Variants in UGGT2 observed in about 807,000 individuals in gnomAD.
The protein encoded by UGGT2 is UDP-glucose glycoprotein glucosyltransferase 2, also known as UDP-glucose:glycoprotein glucosyltransferase 2.
In UGGT2, 180 loss-of-function variants were observed where a neutral mutation model predicts 192.1. The ratio of observed to expected loss-of-function variants is 0.94; its 90% CI spans 0.83 to 1.06. The LOEUF (loss-of-function observed/expected upper bound fraction) is 1.06. Ranked by LOEUF, UGGT2 falls within the 50% of genes least tolerant of loss-of-function variation. The pLI is 0.00. For synonymous variants in UGGT2, 580 were observed against 591.0 expected, an observed-to-expected ratio of 0.98 and a Z score of 0.27; for missense variants, 1,849 against 1,795.7, an observed-to-expected ratio of 1.03 and a Z score of -0.54.
At chr13:95,887,376 G>T in intron 26 of UGGT2, 4 of 481,026 alleles carry the variant, frequency 8.3e-6, no homozygotes, top group Non-Finnish European at 1.7e-5. Flanking sequence ...GAAGAGAAAG[G>T]GTATATTTTT....
chr13:95,849,801 T>C (rs1057255220), intron 36 of UGGT2, among the ~76,000 whole-genome samples: 11 of 150,854 alleles, frequency 7.3e-5, no homozygotes, highest in Non-Finnish European at 1.5e-4. Flanking sequence ...GCATAGTACC[T>C]GATAGGTAGT....
Position 95,853,596 on chromosome 13 carries a change from T to A in UGGT2, c.4231A>T (p.Ser1411Cys). 1 of 1,606,868 alleles carries A rather than the reference T, an allele frequency of 6.2e-7. No individual in the cohort carries two copies. Reference protein sequence around the residue: ...RRIGAGDRLRSQYQALSQDPN... With the variant: ...RRIGAGDRLRCQYQALSQDPN... The stretch of plus-strand genomic sequence containing the variant: ...TCTTGACTGAGAGCTTGATACTGGC[T>A]CCTGAGCCTGTCACCTGCTCCAATT... The change falls in exon 36 of 39, where the codon AGC becomes TGC. Residue 1411 changes from serine (S) to cysteine (C), a missense_variant. Physicochemically the swap from Ser to Cys is moderately radical, Grantham distance 112. Transcript: ENST00000376747.
intron 20 of UGGT2, among the ~76,000 whole-genome samples, chr13:95,924,211 C>G (rs1347471371): frequency 6.6e-6 from 1 of 151,902 alleles, no homozygotes; most frequent in Non-Finnish European, 1.5e-5. Context: ...TAAAAGATAG[C>G]ACTTCTGAAA....
chr13:95,802,982 C>G (rs1342812349), intron 38 of UGGT2, among the ~76,000 whole-genome samples: 1 of 151,724 alleles, frequency 6.6e-6, no homozygotes, highest in South Asian at 2.1e-4. Flanking sequence ...TACAGGCGCC[C>G]GCCACCACGC....
At chr13:95,850,761 C>T (rs1888957147) in intron 36 of UGGT2, among the ~76,000 whole-genome samples, 1 of 152,228 alleles carries the variant, frequency 6.6e-6, no homozygotes, top group South Asian at 2.1e-4. Context: ...ATAGATTCTT[C>T]TGGACTGACC....
At chr13:96,050,213 A>T (rs1001734342) in intron 1 of UGGT2, among the ~76,000 whole-genome samples, 2 of 152,248 alleles carry the variant, frequency 1.3e-5, no homozygotes, top group African/African-American at 4.8e-5. Context: ...AAATCTGACA[A>T]AAACAAGAAA....
intron 1 of UGGT2, among the ~76,000 whole-genome samples, chr13:96,045,887 A>T (rs528605009): frequency 2.2e-4 from 33 of 152,324 alleles, no homozygotes; most frequent in South Asian, 1.0e-3. Flanking sequence ...GGTAGAATCA[A>T]TACTGTGAAA....
chr13:96,014,423 T>C (rs2052263061), intron 4 of UGGT2, among the ~76,000 whole-genome samples: 1 of 152,334 alleles, frequency 6.6e-6, no homozygotes, highest in African/African-American at 2.4e-5. Flanking sequence ...CTTAACTACT[T>C]ACTGACTCAA....
intron 4 of UGGT2, 121 bp from the exon 5 acceptor site, chr13:96,013,602 A>T: frequency 1.5e-6 from 1 of 660,164 alleles, no homozygotes; most frequent in Non-Finnish European, 2.2e-6. Context: ...AAGAATTTAA[A>T]TTTCCTGTGA....
intron 20 of UGGT2, among the ~76,000 whole-genome samples, chr13:95,912,155 C>T (rs2140349449): frequency 6.6e-6 from 1 of 152,304 alleles, no homozygotes; most frequent in Admixed American, 6.5e-5. Context: ...AAACTGGAAG[C>T]ATTCCCTTTG....
chr13:95,802,710 G>A (rs73556718), intron 38 of UGGT2, among the ~76,000 whole-genome samples: 1,739 of 152,304 alleles, frequency 0.011, 32 homozygotes, highest in African/African-American at 0.04. Flanking sequence ...AGGCTATCAA[G>A]TAAAGGGCCG....
chr13:95,990,132 A>G, intron 7 of UGGT2, 59 bp from the exon 8 acceptor site: 1 of 1,078,794 alleles, frequency 9.3e-7, no homozygotes, highest in Non-Finnish European at 1.3e-6. Flanking sequence ...CATTATACAA[A>G]CAGCATATTT....
intron 36 of UGGT2, among the ~76,000 whole-genome samples, chr13:95,848,861 G>A (rs1490430902): frequency 6.6e-6 from 1 of 152,132 alleles, no homozygotes; most frequent in Non-Finnish European, 1.5e-5. Flanking sequence ...ATTGATCTGG[G>A]AAGAATTCAT....
chr13:95,873,869 C>T (rs1006846925), intron 29 of UGGT2, among the ~76,000 whole-genome samples: 1 of 152,132 alleles, frequency 6.6e-6, no homozygotes, highest in African/African-American at 2.4e-5. Context: ...GCCACACGGA[C>T]ATCTGTCAGC....
intron 1 of UGGT2, among the ~76,000 whole-genome samples, chr13:96,048,485 G>T (rs1323670035): frequency 6.6e-6 from 1 of 152,112 alleles, no homozygotes; most frequent in Non-Finnish European, 1.5e-5. Context: ...ACTAAGATCA[G>T]AGCAAAACTG....
chr13:96,009,627 C>T (rs540865620), intron 5 of UGGT2, among the ~76,000 whole-genome samples: 2 of 152,134 alleles, frequency 1.3e-5, no homozygotes, highest in African/African-American at 4.8e-5. Context: ...GGCCAACATG[C>T]TGATACCCCA....
At chr13:95,887,462 A>G (rs1424823610) in intron 26 of UGGT2, 1 of 325,788 alleles carries the variant, frequency 3.1e-6, no homozygotes, top group Non-Finnish European at 6.1e-6. Context: ...TATAAACAAC[A>G]CTTTTTTATA....
intron 38 of UGGT2, among the ~76,000 whole-genome samples, chr13:95,811,426 G>A (rs938307283): frequency 9.2e-5 from 14 of 152,154 alleles, no homozygotes; most frequent in South Asian, 2.1e-4. Context: ...AAGTAGATTC[G>A]TAGTACTTTA....
In UGGT2 at chr13:95,983,841, T is replaced by C; in HGVS notation, c.1055A>G (p.Asn352Ser). ...CTTTATTTCTTCTCTCATATGTTGA[T>C]TTACAGCAATTCTGGTTAGAGATCT... The part of the protein sequence containing the change: ...KARSLTRIAV[N>S]QHMREEIKEN... Residue 352 changes from asparagine to serine, a missense_variant, in exon 10 of 39, where the codon AAT becomes AGT. By Grantham distance (46) the Asn-to-Ser change is conservative. Transcript: ENST00000376747. 1.3e-6 allele frequency: 2 copies of C among 1,568,952 alleles called. No individual in the cohort carries two copies. The highest frequency in any genetic ancestry group is 1.7e-6 in the Non-Finnish European group (2 of 1,157,728).
Sources: gnomAD v4.1 joint callset for allele counts (sites outside exome capture counted in the v4.1 genomes callset) on GRCh38, gnomAD v4.1.1 for gene constraint, MANE v1.5 for transcripts, NCBI Gene and HGNC (gene_info 2026-07-23, HGNC 2026-07-21) for gene names.